RNF180: variants seen among roughly 807,000 people sequenced by gnomAD.
RNF180 encodes E3 ubiquitin-protein ligase RNF180.
RNF180 carries 38 observed loss-of-function variants against 59.2 expected under a neutral mutation model. That is an observed-to-expected ratio of 0.64 (90% CI 0.50 to 0.84). RNF180 has a LOEUF of 0.84. RNF180 is among the 40% of genes least tolerant of loss of function. RNF180 has a pLI of 0.00. For synonymous variants in RNF180, 262 were observed against 240.3 expected (o/e 1.09, Z -0.84); for missense variants, 705 against 700.9 (o/e 1.01, Z -0.07).
chr5:64,241,350 T>C (rs529829330), intron 5 of RNF180, among the ~76,000 whole-genome samples: 2 of 152,354 alleles, frequency 1.3e-5, no homozygotes, highest in South Asian at 4.1e-4. Context: ...TGCTGGGGTC[T>C]TCTGGGAAAG....
chr5:64,331,746 C>T (rs1185115913), intron 7 of RNF180, among the ~76,000 whole-genome samples: 1 of 152,152 alleles, frequency 6.6e-6, no homozygotes, highest in Non-Finnish European at 1.5e-5. Context: ...GGCTGAAACA[C>T]ACCCCCGCCC....
intron 1 of RNF180, among the ~76,000 whole-genome samples, chr5:64,199,284 G>A (rs1751610059): frequency 1.3e-5 from 2 of 152,136 alleles, no homozygotes; most frequent in South Asian, 4.2e-4. Flanking sequence ...AGTTCTTTAA[G>A]TCCTACCTTT....
intron 5 of RNF180, among the ~76,000 whole-genome samples, chr5:64,238,877 C>G (rs1157075107): frequency 6.6e-6 from 1 of 151,982 alleles, no homozygotes; most frequent in African/African-American, 2.4e-5. Flanking sequence ...GTTGCCCATG[C>G]TTTTGTTGTC....
intron 5 of RNF180, among the ~76,000 whole-genome samples, chr5:64,266,572 A>C (rs1346550692): frequency 6.6e-6 from 1 of 152,156 alleles, no homozygotes; most frequent in Non-Finnish European, 1.5e-5. Context: ...CACTCAAGAT[A>C]ATTACCTGTT....
At chr5:64,334,562 C>A (rs904677087) in intron 7 of RNF180, among the ~76,000 whole-genome samples, 1 of 152,022 alleles carries the variant, frequency 6.6e-6, no homozygotes, top group African/African-American at 2.4e-5. Flanking sequence ...TCTTTGTTTA[C>A]CCTGATTCCC....
chr5:64,266,193 C>G (rs965190463), intron 5 of RNF180, among the ~76,000 whole-genome samples: 2 of 152,112 alleles, frequency 1.3e-5, no homozygotes, highest in Admixed American at 1.3e-4. Context: ...TCCTCTCTTC[C>G]TATGTGAATA....
At position 64,372,707 on chromosome 5, in the gene RNF180, C is replaced by G. The variant is rs1231551864; in HGVS notation, c.*2893C>G. 1 of 151,758 alleles carries G rather than the reference C, an allele frequency of 6.6e-6. No individual in the cohort carries two copies. The highest frequency in any genetic ancestry group is 2.4e-5 in the African/African-American group (1 of 41,384). 9.4% of individuals were successfully genotyped at this position (151,758 alleles called of 1,614,324 possible). On this transcript the variant is annotated 3_prime_UTR_variant, in exon 8 of 8. Transcript: ENST00000389100. ...TCTTCACAGAATTCTGTAGTTGAAG[C>G]CAGAAAACACTGTCATTTAGGAAAG...
At chr5:64,313,223 T>C (rs1323137743) in intron 5 of RNF180, among the ~76,000 whole-genome samples, 1 of 152,084 alleles carries the variant, frequency 6.6e-6, no homozygotes, top group African/African-American at 2.4e-5. Context: ...CTGTGTGTCA[T>C]GAGGTTTTGT....
intron 5 of RNF180, among the ~76,000 whole-genome samples, chr5:64,316,387 T>G (rs760714803): frequency 6.6e-6 from 1 of 152,176 alleles, no homozygotes; most frequent in Non-Finnish European, 1.5e-5. Context: ...TTTAATAAAC[T>G]CACACCAAGA....
At chr5:64,336,478 G>T (rs537005286) in intron 7 of RNF180, among the ~76,000 whole-genome samples, 1 of 152,226 alleles carries the variant, frequency 6.6e-6, no homozygotes, top group South Asian at 2.1e-4. Flanking sequence ...TATCTATTTG[G>T]TATATAGGCT....
chr5:64,255,778 G>A (rs546385091), intron 5 of RNF180, among the ~76,000 whole-genome samples: 1 of 152,350 alleles, frequency 6.6e-6, no homozygotes, highest in African/African-American at 2.4e-5. Flanking sequence ...TCGCCACACT[G>A]TCTTCCACAA....
chr5:64,330,455 T>G (rs950570987), intron 7 of RNF180, 49 bp downstream of exon 7: 2 of 1,501,982 alleles, frequency 1.3e-6, no homozygotes, highest in Admixed American at 2.6e-5. Flanking sequence ...TTGTCTAAGG[T>G]CTGTTCTTAA....
chr5:64,318,746 A>G (rs554452818), intron 5 of RNF180, among the ~76,000 whole-genome samples: 1 of 152,334 alleles, frequency 6.6e-6, no homozygotes, highest in South Asian at 2.1e-4. Context: ...ACAGCAATAT[A>G]CCATCAGTTG....
intron 7 of RNF180, among the ~76,000 whole-genome samples, chr5:64,347,994 A>G (rs1472974589): frequency 2.0e-5 from 3 of 152,138 alleles, no homozygotes; most frequent in East Asian, 1.9e-4. Flanking sequence ...TGTGAACAAG[A>G]TCATTATTTT....
Position 64,330,320 on chromosome 5 carries a change from A to T in RNF180, c.1493A>T (p.Tyr498Phe). 2.6e-6 allele frequency: 4 copies of T among 1,525,578 alleles called. No individual in the cohort carries two copies. Among genetic ancestry groups the T allele is most frequent in the Non-Finnish European group, 3.5e-6 (4 of 1,127,226 alleles). The allele number at this position is 1,525,578 out of a possible 1,614,324, so 94.5% of individuals were successfully genotyped here. The change falls in exon 7 of 8, where the codon TAT becomes TTT. Residue 498 changes from tyrosine (Y) to phenylalanine (F), a missense_variant. Physicochemically the swap from Tyr to Phe is conservative, Grantham distance 22. Coordinates refer to ENST00000389100, the MANE Select transcript of RNF180 (RefSeq NM_001113561.2). ...ACAAAAACTTTCTTTACTAAAGAAT[A>T]TTTGAAAATAAAACAAAGCTTTCAG... ...NATKTFFTKE[Y>F]LKIKQSFQKS...
In RNF180 at chr5:64,328,060, G is replaced by A. The variant is rs1744732718; in HGVS notation, c.1454-2221G>A. ...AGAGGGAGAGGAAAAGGAAGGGAAG[G>A]GAAGGAATAATAAGAATCCTTAAGT... On this transcript the variant is annotated intron_variant, in intron 6 of 7. Coordinates refer to ENST00000389100, the MANE Select transcript of RNF180 (RefSeq NM_001113561.2). 1.3e-5 allele frequency among the ~76,000 whole-genome samples: 2 copies of A among 152,132 alleles called. 1 individual carries two copies. Among genetic ancestry groups the A allele is most frequent in the Non-Finnish European group, 2.9e-5 (2 of 68,014 alleles).
At chr5:64,312,538 TCAGA>T (rs145408510) in intron 5 of RNF180, among the ~76,000 whole-genome samples, 2,820 of 152,198 alleles carry the variant, frequency 0.019, 83 homozygotes, top group African/African-American at 0.064. Flanking sequence ...CTCTGTTCAA[TCAGA>T]CATTTAGCAT....
intron 5 of RNF180, among the ~76,000 whole-genome samples, chr5:64,240,184 T>A (rs1742714850): frequency 6.6e-6 from 1 of 152,174 alleles, no homozygotes; most frequent in Non-Finnish European, 1.5e-5. Context: ...ATTGTTTGCT[T>A]TTCTCAAAAT....
chr5:64,228,865 A>G (rs1012922469), intron 5 of RNF180, among the ~76,000 whole-genome samples: 2 of 151,256 alleles, frequency 1.3e-5, no homozygotes, highest in Non-Finnish European at 2.9e-5. Flanking sequence ...AAGATAATCT[A>G]TCAGAATAAA....
Sources: gnomAD v4.1 joint callset for allele counts (sites outside exome capture counted in the v4.1 genomes callset) on GRCh38, gnomAD v4.1.1 for gene constraint, MANE v1.5 for transcripts, NCBI Gene and HGNC (gene_info 2026-07-23, HGNC 2026-07-21) for gene names.